Variants in APOOL observed in about 807,000 individuals in gnomAD.
The protein encoded by APOOL is MICOS complex subunit MIC27.
In APOOL, 12 loss-of-function variants were observed where a neutral mutation model predicts 23.1. The ratio of observed to expected loss-of-function variants is 0.52; its 90% CI spans 0.33 to 0.84. APOOL has a LOEUF of 0.84. Among genes scored for constraint, APOOL ranks in the 40% least tolerant of loss-of-function variants. APOOL has a pLI of 0.02. For missense variants in APOOL, 212 were observed against 199.6 expected, an observed-to-expected ratio of 1.06 and a Z score of -0.37; for synonymous variants, 77 against 69.9, an observed-to-expected ratio of 1.10 and a Z score of -0.51.
intron 1 of APOOL, among the ~76,000 whole-genome samples, chrX:85,022,945 A>T (rs1041942493): frequency 1.8e-5 from 2 of 111,709 alleles, no homozygotes; most frequent in African/African-American, 6.5e-5. Flanking sequence ...CCTTACTATA[A>T]TGAGTGAGTT....
At chrX:85,060,411 T>G (rs1415128445) in intron 5 of APOOL, among the ~76,000 whole-genome samples, 1 of 107,709 alleles carries the variant, frequency 9.3e-6, no homozygotes, top group Admixed American at 1.0e-4. Flanking sequence ...TCCAATTCTG[T>G]GAAGAAAGTC....
intron 1 of APOOL, among the ~76,000 whole-genome samples, chrX:85,015,956 C>T (rs1192697004): frequency 9.1e-6 from 1 of 110,345 alleles, no homozygotes; most frequent in Admixed American, 9.7e-5. Context: ...ATAAAGAGAG[C>T]CTTTGTGTGC....
chrX:85,050,159 G>A (rs751138471), intron 2 of APOOL, among the ~76,000 whole-genome samples: 1 of 111,366 alleles, frequency 9.0e-6, no homozygotes, highest in Non-Finnish European at 1.9e-5. Context: ...CCTGGTATGG[G>A]TAGTAAAGAG....
In APOOL at chrX:85,092,036, A is replaced by G. The variant is rs973392970; in HGVS notation, c.*4358A>G. 2.9e-5 allele frequency: 4 copies of G among 138,044 alleles called. No homozygotes were observed. The highest frequency in any genetic ancestry group is 9.4e-5 in the African/African-American group (3 of 32,034). 11.4% of individuals were successfully genotyped at this position (138,044 alleles called of 1,213,427 possible). A position where few individuals can be genotyped will look rare whatever the true frequency, so the allele number is the denominator to read the frequency against. ...CCTGCCTCTAAAAACAAACAAACAA[A>G]AAATGCTGCCAGTTGATCATTACAT... is the stretch of plus-strand genomic sequence containing the variant. On this transcript the variant is annotated 3_prime_UTR_variant, in exon 9 of 9. Transcript: ENST00000373173.
intron 5 of APOOL, 74 bp downstream of exon 5, chrX:85,055,999 C>A: frequency 1.3e-6 from 1 of 744,259 alleles, no homozygotes; most frequent in Admixed American, 3.9e-5. Context: ...ATGAGAAAAC[C>A]TCATATGCTT....
chrX:85,075,853 C>T (rs1322400810), intron 8 of APOOL, among the ~76,000 whole-genome samples: 1 of 111,518 alleles, frequency 9.0e-6, no homozygotes, highest in African/African-American at 3.3e-5. Context: ...GCTACTTACT[C>T]ATTCTTATCA....
rs985070660 is a variant in APOOL at position 85,026,475 on chromosome X, G to T, written c.16-19971G>T. ...CAGGTGGTTGCTCAGCAGCCTGTTT[G>T]AAAAAGCTTTTTCTTTGTCTGCCAC... On this transcript the variant is annotated intron_variant, in intron 1 of 8. Transcript: ENST00000373173. Among the ~76,000 whole-genome samples the T allele has an allele frequency of 2.7e-5, 3 of 112,977 alleles. No homozygotes were observed. In the Admixed American group the frequency reaches 2.8e-4, roughly 10 times the overall value.
chrX:85,016,005 GGT>G (rs1921459486), intron 1 of APOOL, among the ~76,000 whole-genome samples: 1 of 110,840 alleles, frequency 9.0e-6, no homozygotes, highest in Non-Finnish European at 1.9e-5. Flanking sequence ...TTATATTTGT[GGT>G]GTGTGGGTGA....
At position 85,079,319 on chromosome X, in the gene APOOL, G is replaced by A. The variant is rs774768865; in HGVS notation, c.718+4928G>A. 1.1e-4 allele frequency among the ~76,000 whole-genome samples: 12 copies of A among 111,520 alleles called. No homozygotes were observed. The South Asian group carries it at 1.9e-3, about 18-fold the overall frequency. ...ACAGGAAGGGCAGTTGAATTTTGTCGAAGGGTTTTCTGCATCTATTGAGAT... is the reference window on the plus strand; with the variant it reads ...ACAGGAAGGGCAGTTGAATTTTGTCAAAGGGTTTTCTGCATCTATTGAGAT... On this transcript the variant is annotated intron_variant, in intron 8 of 8. Transcript: ENST00000373173.
At chrX:85,053,434 C>A (rs1922847708) in intron 3 of APOOL, among the ~76,000 whole-genome samples, 1 of 111,564 alleles carries the variant, frequency 9.0e-6, no homozygotes, top group Non-Finnish European at 1.9e-5. Flanking sequence ...AATTACAAAA[C>A]CAAGCTATCT....
chrX:85,037,417 G>A (rs1354448754), intron 1 of APOOL, among the ~76,000 whole-genome samples: 1 of 111,607 alleles, frequency 9.0e-6, no homozygotes, highest in Non-Finnish European at 1.9e-5. Flanking sequence ...TCTCTTGTCT[G>A]CTGCCATATG....
At chrX:85,085,087 A>G (rs763304271) in intron 8 of APOOL, among the ~76,000 whole-genome samples, 7 of 112,091 alleles carry the variant, frequency 6.2e-5, no homozygotes, top group African/African-American at 1.6e-4. Context: ...AATAAAATAC[A>G]TAGTAATGTA....
intron 3 of APOOL, among the ~76,000 whole-genome samples, chrX:85,052,663 T>C (rs947703603): frequency 3.6e-5 from 4 of 112,096 alleles, no homozygotes; most frequent in African/African-American, 1.3e-4. Context: ...CATGATGTTA[T>C]TTTTGAAAAC....
At chrX:85,051,342 C>T in intron 2 of APOOL, 47 bp from the exon 3 acceptor site, 1 of 1,198,882 alleles carries the variant, frequency 8.3e-7, no homozygotes. Context: ...CTGTTATGGA[C>T]AGTCCAGCTA....
chrX:85,054,573 G>A (rs776248345), intron 4 of APOOL, among the ~76,000 whole-genome samples, 175 bp downstream of exon 4: 11 of 111,083 alleles, frequency 9.9e-5, no homozygotes, highest in African/African-American at 3.6e-4. Context: ...TTGATTAATA[G>A]CAAAGCAGTA....
chrX:85,003,940 C>G lies in APOOL; in HGVS notation c.15+13C>G, dbSNP rs376086881. 177 of 1,209,904 alleles carry G rather than the reference C, an allele frequency of 1.5e-4. No homozygotes were observed. The highest frequency in any genetic ancestry group is 1.3e-3 in the African/African-American group (77 of 57,235). ...GGCGGCCATCAGGGTAAGCGAAAAC[C>G]AACTTGCTTAATTTCTGTGGGTGCC... On this transcript the variant is annotated intron_variant, in intron 1 of 8. Coordinates refer to ENST00000373173, the MANE Select transcript of APOOL (RefSeq NM_198450.6).
At chrX:85,034,672 A>G (rs1784508123) in intron 1 of APOOL, among the ~76,000 whole-genome samples, 1 of 111,674 alleles carries the variant, frequency 9.0e-6, no homozygotes. Context: ...GTCCGTGTGT[A>G]CCAAATGTTT....
At chrX:85,021,781 A>T (rs1318022311) in intron 1 of APOOL, among the ~76,000 whole-genome samples, 1 of 112,251 alleles carries the variant, frequency 8.9e-6, no homozygotes, top group African/African-American at 3.2e-5. Flanking sequence ...TGAAATAGAA[A>T]CCAGAAAAAC....
At chrX:85,013,127 G>A (rs1335897390) in intron 1 of APOOL, among the ~76,000 whole-genome samples, 1 of 111,870 alleles carries the variant, frequency 8.9e-6, no homozygotes, top group Non-Finnish European at 1.9e-5. Flanking sequence ...GTGCACAAAG[G>A]TGTTCTTAGT....
Sources: gnomAD v4.1 joint callset for allele counts (sites outside exome capture counted in the v4.1 genomes callset) on GRCh38, gnomAD v4.1.1 for gene constraint, MANE v1.5 for transcripts, NCBI Gene and HGNC (gene_info 2026-07-23, HGNC 2026-07-21) for gene names.